The following SEMA4B variants were observed in gnomAD, a reference collection of about 807,000 sequenced individuals.
SEMA4B encodes the protein semaphorin 4B, also known as semaphorin-4B.
SEMA4B carries 55 observed loss-of-function variants against 88.1 expected under a neutral mutation model. That is an observed-to-expected ratio of 0.62 (90% CI 0.50 to 0.78). The LOEUF (loss-of-function observed/expected upper bound fraction) is 0.78. Among genes scored for constraint, SEMA4B ranks in the 30% least tolerant of loss-of-function variants. The probability of loss-of-function intolerance (pLI) is 0.00; values close to 1 mark genes in which losing one functional copy is unlikely to be tolerated. For missense variants in SEMA4B, 1,062 were observed against 1,111.9 expected (o/e 0.96, Z 0.64); for synonymous variants, 525 against 473.6 (o/e 1.11, Z -1.41).
chr15:90,188,807 A>G (rs1960257229), intron 1 of SEMA4B, among the ~76,000 whole-genome samples: 1 of 151,840 alleles, frequency 6.6e-6, no homozygotes, highest in Non-Finnish European at 1.5e-5. Flanking sequence ...AGCTGGGACT[A>G]CAGGCACCCA....
intron 1 of SEMA4B, among the ~76,000 whole-genome samples, chr15:90,215,787 G>A (rs1210606889): frequency 8.5e-5 from 13 of 152,074 alleles, no homozygotes; most frequent in African/African-American, 2.7e-4. Context: ...ACTCCTGCCT[G>A]GGCAACAGAG....
intron 11 of SEMA4B, 76 bp from the exon 12 acceptor site, chr15:90,225,585 C>T (rs1455789025): frequency 1.3e-6 from 2 of 1,496,848 alleles, no homozygotes; most frequent in African/African-American, 2.8e-5. Context: ...CTCTGGGAGG[C>T]ATACAAGCCG....
At chr15:90,199,141 T>C (rs1960612073), upstream of SEMA4B, among the ~76,000 whole-genome samples, 1 of 152,110 alleles carries the variant, frequency 6.6e-6, no homozygotes, top group South Asian at 2.1e-4. Flanking sequence ...ACCAAAGTGC[T>C]GGGATTACAG....
At chr15:90,201,806 T>G (rs1047577182) in intron 1 of SEMA4B, 71 bp downstream of exon 1, 1 of 1,343,554 alleles carries the variant, frequency 7.4e-7, no homozygotes, top group Non-Finnish European at 9.6e-7. Context: ...CGTGCGGAGG[T>G]GGCCGTGACA....
chr15:90,217,208 C>T (rs568817577), intron 1 of SEMA4B: 3 of 444,176 alleles, frequency 6.8e-6, no homozygotes, highest in South Asian at 4.2e-5. Context: ...TGAAGGGTGC[C>T]GTAGTAAGTA....
chr15:90,188,837 T>G (rs1960259170), intron 1 of SEMA4B, among the ~76,000 whole-genome samples: 1 of 151,618 alleles, frequency 6.6e-6, no homozygotes. Flanking sequence ...CCGGCTAATT[T>G]TTTTGTATTT....
intron 1 of SEMA4B, among the ~76,000 whole-genome samples, chr15:90,194,189 C>T (rs1596118274): frequency 2.0e-5 from 3 of 151,680 alleles, no homozygotes; most frequent in Admixed American, 6.6e-5. Flanking sequence ...GAAATGTGGG[C>T]TGAACAGTGC....
In SEMA4B at chr15:90,212,609, G is replaced by A. The variant is rs1961324180; in HGVS notation, c.158-4830G>A. On this transcript the variant is annotated intron_variant, in intron 1 of 13. Coordinates refer to ENST00000411539, the MANE Select transcript of SEMA4B (RefSeq NM_198925.4). This position sits in a 1 kb window ranked among gnomAD's most constrained non-coding sequence, Gnocchi z 4.0. ...CTGCACAAAGAGCACCTAGGAGTGA[G>A]TGCGCAAGCGTGGACAAGCCCTGCG... 1.3e-5 allele frequency among the ~76,000 whole-genome samples: 2 copies of A among 151,728 alleles called. No homozygotes were observed. The highest frequency in any genetic ancestry group is 1.3e-4 in the Admixed American group (2 of 15,186).
chr15:90,185,176 C>G (rs1245816464), intron 1 of SEMA4B: 2 of 661,924 alleles, frequency 3.0e-6, no homozygotes, highest in Non-Finnish European at 1.9e-6. Context: ...CCCACCCTTG[C>G]ACCCGCACCT....
rs149734254 is a variant in SEMA4B, at chr15:90,203,771, C to T, written c.157+2036C>T. Among the ~76,000 whole-genome samples, 807 of 152,256 alleles carry T rather than the reference C, an allele frequency of 5.3e-3. 12 individuals are homozygous for T. The highest frequency in any genetic ancestry group is 0.019 in the African/African-American group (774 of 41,554). On this transcript the variant is annotated intron_variant, in intron 1 of 13. Transcript: ENST00000411539. Reference sequence around the variant, plus strand: ...CCTGAAATGCAGTCCACACTCAGCTCTCCAACCTAAGAGTCCTGGAGCAAA... The same window carrying T: ...CCTGAAATGCAGTCCACACTCAGCTTTCCAACCTAAGAGTCCTGGAGCAAA...
In SEMA4B at chr15:90,201,363, CG is replaced by C. The variant is rs1960709176; in HGVS notation, c.-212del. 2.4e-6 allele frequency: 3 copies of C among 1,245,572 alleles called. No homozygotes were observed. The highest frequency in any genetic ancestry group is 3.0e-6 in the Non-Finnish European group (3 of 994,730). The allele number at this position is 1,245,572 out of a possible 1,614,324, so 77.2% of individuals were successfully genotyped here. On this transcript the variant is annotated 5_prime_UTR_variant, in exon 1 of 14. Transcript: ENST00000411539. ...GTGAGCTCTGCCCAAGCCGAGGCTG[CG>C]GGGCCGGCGCCGGCGGGAGGACTGC...
chr15:90,203,886 A>C (rs1960863028), intron 1 of SEMA4B, among the ~76,000 whole-genome samples: 1 of 152,114 alleles, frequency 6.6e-6, no homozygotes, highest in Non-Finnish European at 1.5e-5. Flanking sequence ...GTGTAGTGGC[A>C]CCTAGCTACC....
intron 7 of SEMA4B, among the ~76,000 whole-genome samples, chr15:90,223,349 T>C (rs1231180125): frequency 6.6e-6 from 1 of 152,168 alleles, no homozygotes; most frequent in East Asian, 1.9e-4. Flanking sequence ...GCGTCCATAT[T>C]TAGGAAGGCT....
chr15:90,202,119 C>T (rs929027577), intron 1 of SEMA4B, among the ~76,000 whole-genome samples: 4 of 152,238 alleles, frequency 2.6e-5, no homozygotes, highest in South Asian at 2.1e-4. Context: ...TGCTTGCAGT[C>T]CTATAAACAC....
intron 1 of SEMA4B, among the ~76,000 whole-genome samples, chr15:90,204,030 A>T (rs185722484): frequency 6.2e-4 from 94 of 152,176 alleles, no homozygotes; most frequent in Admixed American, 5.7e-3. Flanking sequence ...GCTGGCTGGG[A>T]GTCCGAGAGG....
intron 1 of SEMA4B, among the ~76,000 whole-genome samples, chr15:90,187,772 C>T (rs559852507): frequency 1.3e-5 from 2 of 152,036 alleles, no homozygotes; most frequent in South Asian, 4.2e-4. Flanking sequence ...TTTGGGAGGC[C>T]GAGGCAGGCA....
chr15:90,201,649 CGCT>C lies in SEMA4B; in HGVS notation c.81_83del (p.Leu35del). 3.3e-6 allele frequency: 5 copies of C among 1,517,402 alleles called. No individual in the cohort carries two copies. The highest frequency in any genetic ancestry group is 2.0e-5 in the Admixed American group (1 of 49,924). 94.0% of individuals were successfully genotyped at this position (1,517,402 alleles called of 1,614,324 possible). A position where few individuals can be genotyped will look rare whatever the true frequency, so the allele number is the denominator to read the frequency against. On this transcript the variant is annotated inframe_deletion, in exon 1 of 14. Coordinates refer to ENST00000411539, the MANE Select transcript of SEMA4B (RefSeq NM_198925.4). ...TGGGGCGCGCTGCCGCCTCGGCCAC[CGCT>C]GCTGCTGCTCCTGCTGCTGCTGCTC...
chr15:90,201,100 G>C (rs1291106529), upstream of SEMA4B, among the ~76,000 whole-genome samples: 1 of 152,184 alleles, frequency 6.6e-6, no homozygotes, highest in African/African-American at 2.4e-5. Flanking sequence ...GCCAGGGCCT[G>C]GGCGGCGGTG....
chr15:90,221,660 C>T lies in SEMA4B; in HGVS notation c.756C>T (p.Ser252=), dbSNP rs1961853964. 1 of 1,613,932 alleles carries T rather than the reference C, an allele frequency of 6.2e-7. No homozygotes were observed. The highest frequency in any genetic ancestry group is 1.7e-5 in the Admixed American group (1 of 60,012). The stretch of plus-strand genomic sequence containing the variant: ...CCTACATTCCTGAGAGCCTGGGCAG[C>T]TTGCAAGGCGATGATGACAAGATCT... ...ASAYIPESLG[S]LQGDDDKIYF... The change falls in exon 7 of 14, where the codon AGC becomes AGT. Residue 252 remains serine, a synonymous_variant. Transcript: ENST00000411539.
Sources: gnomAD v4.1 joint callset for allele counts (sites outside exome capture counted in the v4.1 genomes callset) on GRCh38, gnomAD v4.1.1 for gene constraint, Gnocchi (gnomAD v3.1) non-coding constraint, MANE v1.5 for transcripts, NCBI Gene and HGNC (gene_info 2026-07-23, HGNC 2026-07-21) for gene names.